CADPS: variants seen among roughly 807,000 people sequenced by gnomAD.
CADPS encodes the protein calcium-dependent secretion activator 1.
In CADPS, 57 loss-of-function variants were observed where a neutral mutation model predicts 167.3. The ratio of observed to expected loss-of-function variants is 0.34; its 90% CI spans 0.28 to 0.42. The LOEUF is 0.42. Ranked by LOEUF, CADPS falls within the 20% of genes least tolerant of loss-of-function variation. The pLI, the probability that CADPS is intolerant of heterozygous loss-of-function variation, is 1.00. For synonymous variants in CADPS, 676 were observed against 635.3 expected (o/e 1.06, Z -0.96); for missense variants, 1,414 against 1,738.1 (o/e 0.81, Z 3.32).
At chr3:62,782,260 G>C (rs1436501005) in intron 1 of CADPS, among the ~76,000 whole-genome samples, 1 of 152,156 alleles carries the variant, frequency 6.6e-6, no homozygotes, top group Non-Finnish European at 1.5e-5. Context: ...AGGACTTACT[G>C]TTCAAATTTC....
chr3:62,833,846 T>A (rs2075499600), intron 1 of CADPS, among the ~76,000 whole-genome samples: 1 of 152,118 alleles, frequency 6.6e-6, no homozygotes, highest in African/African-American at 2.4e-5. Flanking sequence ...AGAAAACTAC[T>A]CTGGTTACTA....
At chr3:62,826,714 C>T (rs1477039616) in intron 1 of CADPS, among the ~76,000 whole-genome samples, 5 of 152,048 alleles carry the variant, frequency 3.3e-5, no homozygotes, top group Admixed American at 6.6e-5. Context: ...TGGAACATAA[C>T]GCTCTTACAG....
intron 3 of CADPS, among the ~76,000 whole-genome samples, chr3:62,664,126 C>T (rs1579957184): frequency 6.6e-6 from 1 of 152,168 alleles, no homozygotes; most frequent in East Asian, 1.9e-4. Flanking sequence ...CCTGCCTCAG[C>T]CTCCTGAGTA....
chr3:62,685,307 G>A (rs1256112339), intron 3 of CADPS, among the ~76,000 whole-genome samples: 2 of 151,878 alleles, frequency 1.3e-5, no homozygotes, highest in Non-Finnish European at 2.9e-5. Context: ...ACACAAACAG[G>A]TAGACATTCC....
intron 3 of CADPS, among the ~76,000 whole-genome samples, chr3:62,739,033 G>A (rs1423764352): frequency 1.3e-5 from 2 of 152,182 alleles, no homozygotes; most frequent in Non-Finnish European, 2.9e-5. Context: ...TTTGCAATAT[G>A]AATTTATAGC....
intron 3 of CADPS, among the ~76,000 whole-genome samples, chr3:62,662,923 T>G (rs1036761761): frequency 6.6e-6 from 1 of 152,144 alleles, no homozygotes; most frequent in African/African-American, 2.4e-5. Context: ...AATCAGCTGG[T>G]GTTGATATCT....
At chr3:62,625,297 C>T (rs1579070312) in intron 6 of CADPS, 1 of 149,988 alleles carries the variant, frequency 6.7e-6, no homozygotes, top group South Asian at 2.1e-4. Flanking sequence ...ATAACGGCTG[C>T]AAGCTTAGAT....
At chr3:62,662,692 T>C (rs1239616046) in intron 3 of CADPS, among the ~76,000 whole-genome samples, 3 of 152,150 alleles carry the variant, frequency 2.0e-5, no homozygotes, top group Non-Finnish European at 4.4e-5. Flanking sequence ...CACACTTCTT[T>C]TTGGCCCAGT....
At chr3:62,524,198 T>C (rs1014199101) in intron 13 of CADPS, among the ~76,000 whole-genome samples, 1 of 152,236 alleles carries the variant, frequency 6.6e-6, no homozygotes, top group Non-Finnish European at 1.5e-5. Flanking sequence ...AAGTGATTAA[T>C]AACCACAAAT....
intron 9 of CADPS, among the ~76,000 whole-genome samples, chr3:62,564,493 T>C (rs1216220967): frequency 1.3e-5 from 2 of 152,162 alleles, no homozygotes; most frequent in African/African-American, 4.8e-5. Context: ...TAAGTGATTG[T>C]CCACATTATT....
chr3:62,421,992 C>G lies in CADPS; in HGVS notation c.3777+16112G>C, dbSNP rs1490421027. Among the ~76,000 whole-genome samples, 3 of 152,218 alleles carry G rather than the reference C, an allele frequency of 2.0e-5. No individual in the cohort carries two copies. Among genetic ancestry groups the G allele is most frequent in the Admixed American group, 1.3e-4 (2 of 15,282 alleles). ...TGATAAGCCTCCTTGCCTGGCTAAG[C>G]TTACAAAGACTGTGCTAAATACATA... On this transcript the variant is annotated intron_variant, in intron 28 of 29. Coordinates refer to ENST00000383710, the MANE Select transcript of CADPS (RefSeq NM_003716.4). The surrounding 1 kb of genome is among the most constrained non-coding windows in gnomAD (Gnocchi z 4.7).
chr3:62,658,893 A>G (rs1391214605), intron 4 of CADPS, among the ~76,000 whole-genome samples: 1 of 152,202 alleles, frequency 6.6e-6, no homozygotes, highest in African/African-American at 2.4e-5. Context: ...GAAAGAAATG[A>G]TAATGAATGT....
rs2083457315 is a variant in CADPS at position 62,875,321 on chromosome 3, G to A, written c.-292C>T. On this transcript the variant is annotated 5_prime_UTR_variant, in exon 1 of 30. Coordinates refer to ENST00000383710, the MANE Select transcript of CADPS (RefSeq NM_003716.4). ...GCGAGCCCCGAGCCCGCAGCCGGAT[G>A]CCATCTGCGGCTGCTGAAGGAGGCG... is the stretch of plus-strand genomic sequence containing the variant. The A allele has an allele frequency of 1.5e-5, 3 of 203,150 alleles. No homozygotes were observed. Among genetic ancestry groups the A allele is most frequent in the Non-Finnish European group, 3.0e-5 (3 of 101,136 alleles). 12.6% of individuals were successfully genotyped at this position (203,150 alleles called of 1,614,324 possible).
chr3:62,706,219 C>A (rs1217529629), intron 3 of CADPS, among the ~76,000 whole-genome samples: 1 of 152,128 alleles, frequency 6.6e-6, no homozygotes, highest in African/African-American at 2.4e-5. Context: ...TGAAGCCTAC[C>A]ATGATGTCCT....
intron 3 of CADPS, among the ~76,000 whole-genome samples, chr3:62,707,248 C>T (rs927660425): frequency 1.3e-5 from 2 of 152,052 alleles, no homozygotes; most frequent in Non-Finnish European, 2.9e-5. Context: ...GAGGGATCTC[C>T]ATTGTATGCT....
At chr3:62,413,899 A>C (rs1000116410) in intron 28 of CADPS, among the ~76,000 whole-genome samples, 111 of 152,326 alleles carry the variant, frequency 7.3e-4, no homozygotes, top group African/African-American at 2.6e-3. Context: ...TAAAAAAAAA[A>C]AAAAAAATCT....
intron 3 of CADPS, among the ~76,000 whole-genome samples, chr3:62,712,546 A>C (rs527457480): frequency 1.2e-3 from 189 of 152,312 alleles, no homozygotes; most frequent in Non-Finnish European, 1.9e-3. Context: ...CGTTTCTTAA[A>C]TGATGAATTA....
rs548742446 is a variant in CADPS, at chr3:62,758,414, G to A, written c.556-4641C>T. On this transcript the variant is annotated intron_variant, in intron 2 of 29. Transcript: ENST00000383710. ...CCCAATGGAGACAAGACAGCCATGA[G>A]GAGAGAAGGTGGCAGCAGGAAACTA... Among the ~76,000 whole-genome samples, 45 of 152,308 alleles carry A rather than the reference G, an allele frequency of 3.0e-4. 1 individual carries two copies. The highest frequency in any genetic ancestry group is 1.0e-3 in the African/African-American group (42 of 41,566).
At chr3:62,525,864 C>A (rs1216100360) in intron 13 of CADPS, among the ~76,000 whole-genome samples, 1 of 152,008 alleles carries the variant, frequency 6.6e-6, no homozygotes. Context: ...GAAACGGCCA[C>A]CCAACATTGG....
Sources: gnomAD v4.1 joint callset for allele counts (sites outside exome capture counted in the v4.1 genomes callset) on GRCh38, gnomAD v4.1.1 for gene constraint, Gnocchi (gnomAD v3.1) non-coding constraint, MANE v1.5 for transcripts, NCBI Gene and HGNC (gene_info 2026-07-23, HGNC 2026-07-21) for gene names.